FAM53A: variants seen among roughly 807,000 people sequenced by gnomAD.
FAM53A encodes the protein protein FAM53A.
In FAM53A, 28 loss-of-function variants were observed where a neutral mutation model predicts 26.6. The ratio of observed to expected loss-of-function variants is 1.05; its 90% CI spans 0.78 to 1.45. FAM53A has a LOEUF of 1.45. Among genes scored for constraint, FAM53A ranks in the 40% most tolerant of loss-of-function variants. The pLI is 0.00. For synonymous variants in FAM53A, 290 were observed against 253.1 expected (o/e 1.15, Z -1.38); for missense variants, 650 against 575.8 (o/e 1.13, Z -1.32).
In FAM53A at chr4:1,640,022, A is replaced by G. The variant is rs1711536265; in HGVS notation, c.*1271T>C. On this transcript the variant is annotated 3_prime_UTR_variant, in exon 5 of 5. Coordinates refer to ENST00000308132, the MANE Select transcript of FAM53A (RefSeq NM_001174070.3). ...TGAGGCGCAGCCAGGCCCACTTCAG[A>G]TGGTGGAAACGAAAATTAATCAGAA... The G allele has an allele frequency of 6.6e-6, 1 of 152,274 alleles. No homozygotes were observed. Among genetic ancestry groups the G allele is most frequent in the Non-Finnish European group, 1.5e-5 (1 of 68,054 alleles). 9.4% of individuals were successfully genotyped at this position (152,274 alleles called of 1,614,324 possible).
chr4:1,577,709 G>A, the FAM53A span, among the ~76,000 whole-genome samples: 87 of 152,292 alleles, frequency 5.7e-4, no homozygotes, highest in African/African-American at 2.0e-3. Context: ...AATTATGCGC[G>A]GCGCTCTTGT....
In FAM53A at chr4:1,655,228, G is replaced by A. The variant is rs768797962; in HGVS notation, c.632C>T (p.Ala211Val). 1.0e-5 allele frequency: 16 copies of A among 1,538,568 alleles called. No homozygotes were observed. The highest frequency in any genetic ancestry group is 3.6e-5 in the South Asian group (3 of 82,298). ...SAGSGPLWCS[A>V]ESCLPSTRRR... is the part of the protein sequence containing the mutation. ...CCTCGTGGAGGGCAAGCAGGACTCC[G>A]CGGAACACCAGAGCGGGCCTGAGCC... Residue 211 changes from alanine to valine, a missense_variant, in exon 4 of 5, where the codon GCG (alanine) becomes GTG (valine). Transcript: ENST00000308132.
At chr4:1,660,989 C>A (rs1200119299) in intron 2 of FAM53A, among the ~76,000 whole-genome samples, 2 of 152,128 alleles carry the variant, frequency 1.3e-5, no homozygotes, top group African/African-American at 2.4e-5. Flanking sequence ...CCGCCACCCA[C>A]CCATACCGTG....
intron 1 of FAM53A, among the ~76,000 whole-genome samples, chr4:1,618,808 G>A (rs766307218): frequency 2.6e-5 from 4 of 152,230 alleles, no homozygotes; most frequent in East Asian, 3.9e-4. Flanking sequence ...GAATGCCACC[G>A]CACAGATAAG....
At chr4:1,587,570 G>A in the FAM53A span, among the ~76,000 whole-genome samples, 1 of 152,172 alleles carries the variant, frequency 6.6e-6, no homozygotes, top group African/African-American at 2.4e-5. Flanking sequence ...TACTCAGGAG[G>A]CTGAGGAAGG....
intron 1 of FAM53A, among the ~76,000 whole-genome samples, chr4:1,674,143 C>G (rs573109751): frequency 6.6e-6 from 1 of 152,340 alleles, no homozygotes; most frequent in South Asian, 2.1e-4. Context: ...GTGCCTCCTT[C>G]TGGAGGCTGA....
chr4:1,653,813 G>A (rs772101701), intron 4 of FAM53A, among the ~76,000 whole-genome samples: 31 of 152,222 alleles, frequency 2.0e-4, no homozygotes, highest in Admixed American at 3.9e-4. Flanking sequence ...GACCCTGGGG[G>A]ATCCCACCTG....
the FAM53A span, among the ~76,000 whole-genome samples, chr4:1,602,352 G>A: frequency 2.7e-3 from 412 of 152,356 alleles, 3 homozygotes; most frequent in Middle Eastern, 0.01. Context: ...CAGAGGTGCC[G>A]GTCTTGCCGT....
At chr4:1,685,892 T>G (rs1715785455), upstream of FAM53A, among the ~76,000 whole-genome samples, 1 of 152,192 alleles carries the variant, frequency 6.6e-6, no homozygotes, top group Admixed American at 6.5e-5. Context: ...CCTCCTGAGC[T>G]GGGTTTCCAT....
chr4:1,608,644 A>T, the FAM53A span, among the ~76,000 whole-genome samples: 1 of 152,014 alleles, frequency 6.6e-6, no homozygotes, highest in Non-Finnish European at 1.5e-5. Context: ...TGCAGCCGCT[A>T]CACACACACT....
chr4:1,600,463 G>C, the FAM53A span, among the ~76,000 whole-genome samples: 1 of 152,052 alleles, frequency 6.6e-6, no homozygotes, highest in African/African-American at 2.4e-5. Flanking sequence ...CCAGCGCAGG[G>C]AGGACAGGGC....
chr4:1,598,822 A>G, the FAM53A span, among the ~76,000 whole-genome samples: 1 of 152,236 alleles, frequency 6.6e-6, no homozygotes, highest in Non-Finnish European at 1.5e-5. Context: ...GCGTAATGAA[A>G]TGCTGCTGTT....
the FAM53A span, among the ~76,000 whole-genome samples, chr4:1,582,937 A>T: frequency 6.6e-6 from 1 of 152,220 alleles, no homozygotes; most frequent in African/African-American, 2.4e-5. Context: ...TCCCAGATGA[A>T]GGGATCAGCC....
chr4:1,644,512 G>A (rs918358183), intron 4 of FAM53A: 4 of 861,266 alleles, frequency 4.6e-6, no homozygotes, highest in East Asian at 5.4e-5. Context: ...GGTGGAAACC[G>A]AGGCCCACGG....
At chr4:1,671,886 C>T (rs1714685258) in intron 1 of FAM53A, among the ~76,000 whole-genome samples, 1 of 152,324 alleles carries the variant, frequency 6.6e-6, no homozygotes, top group East Asian at 1.9e-4. Context: ...AAACAGGCCT[C>T]ACAGTCTGTA....
At chr4:1,651,856 C>G (rs1712817070) in intron 4 of FAM53A, among the ~76,000 whole-genome samples, 1 of 151,492 alleles carries the variant, frequency 6.6e-6, no homozygotes, top group Non-Finnish European at 1.5e-5. Flanking sequence ...GATGGATGCC[C>G]CGCGCAGCCC....
chr4:1,614,632 G>C (rs1417997484), downstream of FAM53A, among the ~76,000 whole-genome samples: 1 of 152,134 alleles, frequency 6.6e-6, no homozygotes, highest in Non-Finnish European at 1.5e-5. Context: ...CTGCCCCTGG[G>C]GTTCTGTCTA....
chr4:1,650,764 G>T (rs941244576), intron 4 of FAM53A, among the ~76,000 whole-genome samples: 4 of 151,178 alleles, frequency 2.6e-5, no homozygotes, highest in African/African-American at 9.7e-5. Flanking sequence ...CCAAGGTGCT[G>T]GGATTACAGG....
intron 1 of FAM53A, among the ~76,000 whole-genome samples, chr4:1,675,702 C>T (rs1714995009): frequency 6.6e-6 from 1 of 152,212 alleles, no homozygotes; most frequent in African/African-American, 2.4e-5. Flanking sequence ...ACCCTTGGCC[C>T]GACCTCAGCG....
Sources: gnomAD v4.1 joint callset for allele counts (sites outside exome capture counted in the v4.1 genomes callset) on GRCh38, gnomAD v4.1.1 for gene constraint, MANE v1.5 for transcripts, NCBI Gene and HGNC (gene_info 2026-07-23, HGNC 2026-07-21) for gene names.